Variants in NCAM2 observed in about 807,000 individuals in gnomAD.
The protein encoded by NCAM2 is neural cell adhesion molecule 2.
In NCAM2, 30 loss-of-function variants were observed where a neutral mutation model predicts 98.1. The ratio of observed to expected loss-of-function variants is 0.31; its 90% CI spans 0.23 to 0.41. The LOEUF (loss-of-function observed/expected upper bound fraction) is 0.41. Among genes scored for constraint, NCAM2 ranks in the 10% least tolerant of loss-of-function variants. NCAM2 has a pLI of 1.00. For missense variants in NCAM2, 867 were observed against 1,005.8 expected (o/e 0.86, Z 1.87); for synonymous variants, 368 against 342.4 (o/e 1.07, Z -0.83).
At chr21:21,048,734 G>A (rs1401424822) in intron 1 of NCAM2, among the ~76,000 whole-genome samples, 1 of 152,154 alleles carries the variant, frequency 6.6e-6, no homozygotes, top group African/African-American at 2.4e-5. Flanking sequence ...ACCACCTGGG[G>A]CACATGTTCT....
intron 1 of NCAM2, among the ~76,000 whole-genome samples, chr21:21,145,313 G>GCACA (rs1569072317): frequency 6.6e-6 from 1 of 152,068 alleles, no homozygotes; most frequent in Non-Finnish European, 1.5e-5. Flanking sequence ...ACTTGCTTTT[G>GCACA]ATTATGCATA....
intron 1 of NCAM2, among the ~76,000 whole-genome samples, chr21:21,212,987 G>C (rs187177465): frequency 1.3e-5 from 2 of 151,916 alleles, no homozygotes; most frequent in Admixed American, 6.6e-5. Flanking sequence ...TGATCCGCCC[G>C]CCTTGGCCTC....
intron 1 of NCAM2, chr21:21,210,508 G>A: frequency 1.6e-6 from 2 of 1,280,910 alleles, no homozygotes; most frequent in South Asian, 2.5e-5. Context: ...CTCAAAGGGT[G>A]TAAGAGACTT....
intron 1 of NCAM2, among the ~76,000 whole-genome samples, chr21:21,216,087 C>A (rs1025767191): frequency 3.3e-5 from 5 of 151,936 alleles, no homozygotes; most frequent in African/African-American, 1.2e-4. Flanking sequence ...TTTACTGTAC[C>A]CAAGGCAATT....
chr21:21,251,443 AT>A (rs768711348), intron 1 of NCAM2, among the ~76,000 whole-genome samples: 3 of 152,046 alleles, frequency 2.0e-5, no homozygotes, highest in Non-Finnish European at 4.4e-5. Context: ...GCTGAGAATC[AT>A]GGCTTCCAGC....
At chr21:21,116,963 G>A (rs1386822021) in intron 1 of NCAM2, among the ~76,000 whole-genome samples, 1 of 151,812 alleles carries the variant, frequency 6.6e-6, no homozygotes, top group African/African-American at 2.4e-5. Context: ...TAATTTTTGG[G>A]GAAAAAAACA....
chr21:21,464,098 G>T (rs1367910596), intron 12 of NCAM2, among the ~76,000 whole-genome samples: 1 of 151,884 alleles, frequency 6.6e-6, no homozygotes, highest in Non-Finnish European at 1.5e-5. Context: ...TTTTTGCCTT[G>T]TATTAAGAAA....
chr21:21,018,530 C>A (rs890591181), intron 1 of NCAM2, among the ~76,000 whole-genome samples: 1 of 152,160 alleles, frequency 6.6e-6, no homozygotes, highest in Non-Finnish European at 1.5e-5. Flanking sequence ...TTTGTAATAT[C>A]ACAATAAGTA....
At chr21:21,004,796 G>T (rs1034504645) in intron 1 of NCAM2, among the ~76,000 whole-genome samples, 3 of 152,070 alleles carry the variant, frequency 2.0e-5, no homozygotes, top group Admixed American at 2.0e-4. Flanking sequence ...TATCCATGAG[G>T]GCCATGAGAT....
chr21:21,322,352 C>A (rs2074397572), intron 5 of NCAM2, among the ~76,000 whole-genome samples: 1 of 151,942 alleles, frequency 6.6e-6, no homozygotes. Context: ...TATTGGGTAT[C>A]ATGCTAACTA....
chr21:21,089,055 G>C (rs1028888276), intron 1 of NCAM2, among the ~76,000 whole-genome samples: 1 of 147,728 alleles, frequency 6.8e-6, no homozygotes, highest in African/African-American at 2.6e-5. Flanking sequence ...TTGGTATTTA[G>C]CTAAATTATG....
chr21:21,167,180 T>C (rs1285133954), intron 1 of NCAM2, among the ~76,000 whole-genome samples: 1 of 152,024 alleles, frequency 6.6e-6, no homozygotes, highest in African/African-American at 2.4e-5. Flanking sequence ...GTGAACGTTC[T>C]TGTGTTGTTT....
chr21:21,478,925 C>T lies in NCAM2; in HGVS notation c.2077+1454C>T, dbSNP rs183667161. Among the ~76,000 whole-genome samples the T allele has an allele frequency of 1.1e-4, 17 of 152,162 alleles. No individual in the cohort carries two copies. The South Asian group carries it at 1.9e-3, about 17-fold the overall frequency. On this transcript the variant is annotated intron_variant, in intron 15 of 17. Coordinates refer to ENST00000400546, the MANE Select transcript of NCAM2 (RefSeq NM_004540.5). Reference sequence around the variant, plus strand: ...AAATAAGAATGACTGAATGTACTATCGAATTCATTACCTCTCTATGTTTGA... The same window carrying T: ...AAATAAGAATGACTGAATGTACTATTGAATTCATTACCTCTCTATGTTTGA...
intron 5 of NCAM2, among the ~76,000 whole-genome samples, chr21:21,298,154 AC>A (rs1472751992): frequency 1.3e-5 from 2 of 151,774 alleles, no homozygotes; most frequent in African/African-American, 2.4e-5. Context: ...AGGCAAAAAA[AC>A]TTTTCTATTT....
At chr21:21,343,793 A>T (rs1338840075) in intron 8 of NCAM2, among the ~76,000 whole-genome samples, 1 of 152,088 alleles carries the variant, frequency 6.6e-6, no homozygotes. Context: ...ACTTGAAAAA[A>T]CTTATGAAAC....
At chr21:21,354,962 G>A (rs912686842) in intron 8 of NCAM2, among the ~76,000 whole-genome samples, 6 of 152,094 alleles carry the variant, frequency 3.9e-5, no homozygotes, top group Non-Finnish European at 7.3e-5. Flanking sequence ...TCTTAGCCTA[G>A]ATCACCTGCA....
At chr21:21,530,281 AATTT>A (rs1414759744) in intron 16 of NCAM2, among the ~76,000 whole-genome samples, 1 of 133,498 alleles carries the variant, frequency 7.5e-6, no homozygotes, top group Non-Finnish European at 1.6e-5. Flanking sequence ...TATATAATTT[AATTT>A]AATTATATAT....
chr21:21,350,100 T>G (rs1003354383), intron 8 of NCAM2, among the ~76,000 whole-genome samples: 26 of 152,164 alleles, frequency 1.7e-4, no homozygotes, highest in African/African-American at 5.8e-4. Context: ...GATAAATGCT[T>G]GAGGGAATGA....
At chr21:21,082,418 C>T (rs1330706824) in intron 1 of NCAM2, among the ~76,000 whole-genome samples, 4 of 151,718 alleles carry the variant, frequency 2.6e-5, no homozygotes, top group Non-Finnish European at 5.9e-5. Flanking sequence ...CCATAGGTGG[C>T]ATTTGCCTTA....
Sources: gnomAD v4.1 joint callset for allele counts (sites outside exome capture counted in the v4.1 genomes callset) on GRCh38, gnomAD v4.1.1 for gene constraint, MANE v1.5 for transcripts, NCBI Gene and HGNC (gene_info 2026-07-23, HGNC 2026-07-21) for gene names.